Variants in C12orf56 observed in about 807,000 individuals in gnomAD.
C12orf56 encodes uncharacterized protein C12orf56.
Under a neutral mutation model 69.9 loss-of-function variants are expected in C12orf56, and 71 were observed. The ratio of observed to expected loss-of-function variants is 1.02; its 90% CI spans 0.84 to 1.24. C12orf56 has a LOEUF of 1.24. Among genes scored for constraint, C12orf56 ranks in the 50% most tolerant of loss-of-function variants. The probability of loss-of-function intolerance (pLI) is 0.00; values close to 1 mark genes in which losing one functional copy is unlikely to be tolerated. For synonymous variants in C12orf56, 276 were observed against 274.1 expected, an observed-to-expected ratio of 1.01 and a Z score of -0.07; for missense variants, 732 against 738.5, an observed-to-expected ratio of 0.99 and a Z score of 0.10.
intron 3 of C12orf56, among the ~76,000 whole-genome samples, chr12:64,322,647 C>G (rs1184450848): frequency 1.3e-5 from 2 of 152,116 alleles, no homozygotes; most frequent in Admixed American, 6.5e-5. Flanking sequence ...AGCGAGGCCC[C>G]ATTTCTGATA....
At chr12:64,362,667 G>C (rs2039414460) in intron 1 of C12orf56, among the ~76,000 whole-genome samples, 1 of 152,068 alleles carries the variant, frequency 6.6e-6, no homozygotes. Context: ...ACTCCAGCCT[G>C]GGTGACAGAA....
chr12:64,293,657 C>G (rs1481295220), intron 6 of C12orf56, among the ~76,000 whole-genome samples: 2 of 152,222 alleles, frequency 1.3e-5, no homozygotes, highest in African/African-American at 4.8e-5. Flanking sequence ...GACCTCCCAT[C>G]TGCTCACTGA....
At chr12:64,338,509 G>T in intron 2 of C12orf56, 2 of 1,098,964 alleles carry the variant, frequency 1.8e-6, no homozygotes, top group Non-Finnish European at 2.8e-6. Flanking sequence ...CCAGCAACTG[G>T]TACAAACCTG....
chr12:64,385,859 A>C (rs1299674089), intron 1 of C12orf56, among the ~76,000 whole-genome samples: 1 of 152,122 alleles, frequency 6.6e-6, no homozygotes, highest in African/African-American at 2.4e-5. Flanking sequence ...CCCTGTCTTG[A>C]TAAACTGGCT....
intron 1 of C12orf56, among the ~76,000 whole-genome samples, chr12:64,361,087 C>T (rs539949797): frequency 1.3e-5 from 2 of 152,096 alleles, no homozygotes; most frequent in South Asian, 2.1e-4. Flanking sequence ...GGTGTGGTGG[C>T]GTGCACCTGT....
chr12:64,372,237 T>C (rs2039582006), intron 1 of C12orf56, among the ~76,000 whole-genome samples: 1 of 152,212 alleles, frequency 6.6e-6, no homozygotes, highest in Non-Finnish European at 1.5e-5. Flanking sequence ...CAAAGGTTCA[T>C]AAAACCCAAG....
At chr12:64,305,168 G>C (rs546769358) in intron 5 of C12orf56, among the ~76,000 whole-genome samples, 6 of 152,072 alleles carry the variant, frequency 3.9e-5, no homozygotes, top group Non-Finnish European at 8.8e-5. Flanking sequence ...GGAGATGCTG[G>C]AGGGAAACTG....
chr12:64,275,066 A>C, intron 10 of C12orf56, 91 bp from the exon 11 acceptor site: 1 of 1,206,408 alleles, frequency 8.3e-7, no homozygotes, highest in Non-Finnish European at 1.2e-6. Flanking sequence ...TTTTATCCTG[A>C]TTAATCGAAT....
chr12:64,382,377 C>T (rs2039731312), intron 1 of C12orf56, among the ~76,000 whole-genome samples: 1 of 151,716 alleles, frequency 6.6e-6, no homozygotes, highest in East Asian at 1.9e-4. Context: ...TTCCTAAAGC[C>T]AGGTGACCTA....
Position 64,318,790 on chromosome 12 carries a change from G to C in C12orf56, c.679C>G (p.Pro227Ala), listed in dbSNP as rs1027740033. 6.5e-7 allele frequency: 1 copy of C among 1,537,186 alleles called. No homozygotes were observed. The highest frequency in any genetic ancestry group is 8.7e-7 in the Non-Finnish European group (1 of 1,146,884). ...GAGTTGTGATCTGGAAGTCCCTGGGGTTCTTTTGTGTTTGTTGTGCAAGAT... is the reference window on the plus strand; with the variant it reads ...GAGTTGTGATCTGGAAGTCCCTGGGCTTCTTTTGTGTTTGTTGTGCAAGAT... ...EPSCTTNTKE[P>A]QGLPDHNSIS... Residue 227 changes from proline (P) to alanine (A), a missense_variant, in exon 4 of 13, where the codon CCC becomes GCC. By Grantham distance (27) the Pro-to-Ala change is conservative. Coordinates refer to ENST00000543942, the MANE Select transcript of C12orf56 (RefSeq NM_001170633.2).
intron 2 of C12orf56, among the ~76,000 whole-genome samples, chr12:64,352,099 G>GTTTTTTTT (rs55762803): frequency 1.3e-5 from 2 of 148,680 alleles, no homozygotes; most frequent in African/African-American, 5.1e-5. Flanking sequence ...TTTTGTTTTT[G>GTTTTTTTT]TTTTTTTTTT....
At chr12:64,369,658 T>C (rs963046087) in intron 1 of C12orf56, among the ~76,000 whole-genome samples, 1 of 152,066 alleles carries the variant, frequency 6.6e-6, no homozygotes, top group African/African-American at 2.4e-5. Flanking sequence ...AACAGAGCTA[T>C]ATGGAAGCAA....
intron 1 of C12orf56, among the ~76,000 whole-genome samples, chr12:64,360,254 G>A (rs374622789): frequency 2.6e-5 from 4 of 151,278 alleles, no homozygotes; most frequent in Non-Finnish European, 4.4e-5. Flanking sequence ...GCGAAACCCC[G>A]TCTCTACTAA....
At chr12:64,308,055 G>A (rs977229645) in intron 5 of C12orf56, among the ~76,000 whole-genome samples, 4 of 151,822 alleles carry the variant, frequency 2.6e-5, no homozygotes, top group Non-Finnish European at 5.9e-5. Flanking sequence ...GCGGTGGCTC[G>A]TGCCTGTAAT....
Position 64,267,108 on chromosome 12 carries a change from T to A in C12orf56, c.*75A>T, listed in dbSNP as rs191665826. 433 of 1,115,272 alleles carry A rather than the reference T, an allele frequency of 3.9e-4. 1 individual carries two copies. The highest frequency in any genetic ancestry group is 1.4e-3 in the African/African-American group (86 of 62,152). The allele number at this position is 1,115,272 out of a possible 1,614,324, so 69.1% of individuals were successfully genotyped here. On this transcript the variant is annotated 3_prime_UTR_variant, in exon 13 of 13. Transcript: ENST00000543942. ...GCCAGATATTAAACAAATAAAAAAA[T>A]GTTTCTCGTGAATATCAAGTTGACT... is the stretch of plus-strand genomic sequence containing the variant.
chr12:64,307,264 A>C (rs1356465884), intron 5 of C12orf56, among the ~76,000 whole-genome samples: 1 of 152,094 alleles, frequency 6.6e-6, no homozygotes, highest in African/African-American at 2.4e-5. Flanking sequence ...TAATTCTTAC[A>C]TACCTCAGAA....
At chr12:64,385,477 A>G (rs1257595713) in intron 1 of C12orf56, among the ~76,000 whole-genome samples, 2 of 152,216 alleles carry the variant, frequency 1.3e-5, no homozygotes, top group Non-Finnish European at 2.9e-5. Flanking sequence ...CTGGCCTAAC[A>G]TGGAACAAGG....
intron 1 of C12orf56, among the ~76,000 whole-genome samples, chr12:64,360,543 G>A (rs906917297): frequency 3.9e-5 from 6 of 152,146 alleles, no homozygotes; most frequent in Non-Finnish European, 5.9e-5. Context: ...TAGATAGATA[G>A]GATATTGTAA....
At chr12:64,388,580 T>G (rs969515092) in intron 1 of C12orf56, among the ~76,000 whole-genome samples, 1 of 152,158 alleles carries the variant, frequency 6.6e-6, no homozygotes, top group African/African-American at 2.4e-5. Context: ...GAAATTTAAA[T>G]TAAAAAAAAA....
Sources: allele counts gnomAD v4.1 joint callset (sites outside exome capture counted in the v4.1 genomes callset), GRCh38; gene constraint gnomAD v4.1.1; transcripts MANE v1.5; gene names NCBI Gene and HGNC (gene_info 2026-07-23, HGNC 2026-07-21).